AKAP10: variants seen among roughly 807,000 people sequenced by gnomAD.
AKAP10 encodes A-kinase anchoring protein 10.
In AKAP10, 24 loss-of-function variants were observed where a neutral mutation model predicts 80.8. The observed-to-expected ratio is 0.30, with a 90% CI of 0.22 to 0.42. The LOEUF (loss-of-function observed/expected upper bound fraction) is 0.42, where lower values mean the gene tolerates loss of function less well. Among genes scored for constraint, AKAP10 ranks in the 10% least tolerant of loss-of-function variants. AKAP10 has a pLI of 1.00. For missense variants in AKAP10, 661 were observed against 794.9 expected, an observed-to-expected ratio of 0.83 and a Z score of 2.03; for synonymous variants, 291 against 277.7, an observed-to-expected ratio of 1.05 and a Z score of -0.48.
At chr17:19,975,926 C>T (rs1157232550) in intron 1 of AKAP10, among the ~76,000 whole-genome samples, 1 of 152,176 alleles carries the variant, frequency 6.6e-6, no homozygotes, top group Non-Finnish European at 1.5e-5. Context: ...ATACCCCTGC[C>T]TTACCAATAA....
At chr17:19,942,352 A>C (rs1420448049) in intron 5 of AKAP10, among the ~76,000 whole-genome samples, 1 of 152,224 alleles carries the variant, frequency 6.6e-6, no homozygotes, top group Admixed American at 6.5e-5. Context: ...ACTCACTAGT[A>C]ATCAAATAGA....
chr17:19,921,149 GA>G (rs1403387380), intron 11 of AKAP10, among the ~76,000 whole-genome samples: 3 of 148,554 alleles, frequency 2.0e-5, no homozygotes, highest in African/African-American at 4.9e-5. Flanking sequence ...CTTAAGACTG[GA>G]AAAAAAATTA....
intron 4 of AKAP10, among the ~76,000 whole-genome samples, chr17:19,953,021 GTTA>G (rs978564118): frequency 1.2e-4 from 18 of 151,902 alleles, no homozygotes; most frequent in African/African-American, 4.1e-4. Context: ...ATTTTTTAAT[GTTA>G]TTTTTAAAAA....
chr17:19,964,440 T>A (rs543013350), intron 2 of AKAP10, among the ~76,000 whole-genome samples: 3 of 152,240 alleles, frequency 2.0e-5, no homozygotes, highest in Non-Finnish European at 4.4e-5. Flanking sequence ...GTGTGTCAGA[T>A]ATAGCCTGCT....
chr17:19,939,626 G>A (rs1467689646), intron 8 of AKAP10, 87 bp downstream of exon 8: 2 of 1,472,384 alleles, frequency 1.4e-6, no homozygotes, highest in South Asian at 1.3e-5. Flanking sequence ...CTTGACAACA[G>A]AGACTGAGTT....
chr17:19,965,989 C>G lies in AKAP10; in HGVS notation c.136+2425G>C, dbSNP rs986416702. 2.6e-5 allele frequency among the ~76,000 whole-genome samples: 4 copies of G among 151,828 alleles called. No individual in the cohort carries two copies. The East Asian group carries it at 7.7e-4, about 29-fold the overall frequency. On this transcript the variant is annotated intron_variant, in intron 2 of 14. Transcript: ENST00000225737. ...TGCCCTAGGTTAATGAGCTAGTAAA[C>G]AGCCATTTCAACAGGCAGGATTTCA...
intron 4 of AKAP10, among the ~76,000 whole-genome samples, chr17:19,952,430 C>T (rs1231476472): frequency 6.6e-6 from 1 of 151,734 alleles, no homozygotes; most frequent in African/African-American, 2.4e-5. Flanking sequence ...CACCACTGCA[C>T]TCCAGCTTGG....
chr17:19,975,683 C>G (rs2043556201), intron 1 of AKAP10, among the ~76,000 whole-genome samples: 1 of 152,116 alleles, frequency 6.6e-6, no homozygotes. Flanking sequence ...ATCTGTCTAC[C>G]CCAGTAGACA....
intron 5 of AKAP10, among the ~76,000 whole-genome samples, chr17:19,946,114 T>G (rs2152415236): frequency 7.4e-6 from 1 of 135,856 alleles, no homozygotes; most frequent in African/African-American, 2.8e-5. Context: ...AGTATATATA[T>G]ATATACACAC....
intron 10 of AKAP10, among the ~76,000 whole-genome samples, chr17:19,926,200 A>C (rs1372482439): frequency 1.3e-5 from 2 of 152,172 alleles, no homozygotes. Context: ...CATCAACAGA[A>C]TAAAACCCAA....
chr17:19,908,772 T>A (rs1197183460), intron 14 of AKAP10, among the ~76,000 whole-genome samples: 1 of 152,072 alleles, frequency 6.6e-6, no homozygotes, highest in Non-Finnish European at 1.5e-5. Context: ...CCCAAATAGT[T>A]GGGATTACAG....
intron 5 of AKAP10, among the ~76,000 whole-genome samples, chr17:19,942,949 G>A (rs114368477): frequency 3.3e-3 from 506 of 151,650 alleles, no homozygotes; most frequent in African/African-American, 0.011. Flanking sequence ...CACCCAAGCC[G>A]GAGTCAGTGG....
At chr17:19,908,163 C>G (rs2042651271) in intron 14 of AKAP10, among the ~76,000 whole-genome samples, 2 of 152,132 alleles carry the variant, frequency 1.3e-5, no homozygotes, top group African/African-American at 4.8e-5. Context: ...CTGCGCCCAG[C>G]CTGGACGTCA....
At chr17:19,963,972 G>C (rs760685940) in intron 2 of AKAP10, among the ~76,000 whole-genome samples, 1 of 151,900 alleles carries the variant, frequency 6.6e-6, no homozygotes, top group Admixed American at 6.6e-5. Flanking sequence ...AGAAATATCA[G>C]TATCACCCCT....
intron 10 of AKAP10, among the ~76,000 whole-genome samples, chr17:19,924,761 G>A (rs1200540805): frequency 6.6e-6 from 1 of 152,066 alleles, no homozygotes; most frequent in East Asian, 1.9e-4. Context: ...TAATTCCTAG[G>A]TTGAAGTGCA....
intron 1 of AKAP10, 92 bp from the exon 2 acceptor site, chr17:19,968,553 G>T: frequency 9.3e-7 from 1 of 1,075,552 alleles, no homozygotes; most frequent in Non-Finnish European, 1.4e-6. Context: ...ATTCTAAGAT[G>T]AGTATTCAAA....
intron 1 of AKAP10, among the ~76,000 whole-genome samples, chr17:19,970,531 G>A (rs1246299143): frequency 6.6e-6 from 1 of 152,048 alleles, no homozygotes; most frequent in East Asian, 1.9e-4. Flanking sequence ...TACTAAATTA[G>A]ATATTTCCTG....
At chr17:19,918,091 G>A (rs920758923) in intron 12 of AKAP10, among the ~76,000 whole-genome samples, 3 of 151,486 alleles carry the variant, frequency 2.0e-5, no homozygotes, top group South Asian at 4.2e-4. Context: ...GTGGTGGCAC[G>A]CGCCTGTAAT....
chr17:19,916,472 A>C (rs2042743261), intron 12 of AKAP10, among the ~76,000 whole-genome samples: 1 of 152,188 alleles, frequency 6.6e-6, no homozygotes, highest in Non-Finnish European at 1.5e-5. Context: ...GGTTTGGGAA[A>C]AAATTTCCTA....
Sources: allele counts gnomAD v4.1 joint callset (sites outside exome capture counted in the v4.1 genomes callset), GRCh38; gene constraint gnomAD v4.1.1; transcripts MANE v1.5; gene names NCBI Gene and HGNC (gene_info 2026-07-23, HGNC 2026-07-21).